The following CCSER1 variants were observed in gnomAD, a reference collection of about 807,000 sequenced individuals.
The protein encoded by CCSER1 is serine-rich coiled-coil domain-containing protein 1.
Under a neutral mutation model 82.0 loss-of-function variants are expected in CCSER1, and 41 were observed. That is an observed-to-expected ratio of 0.50 (90% CI 0.39 to 0.65). CCSER1 has a LOEUF of 0.65. CCSER1 is among the 30% of genes least tolerant of loss of function. The probability of loss-of-function intolerance (pLI) is 0.00; values close to 1 mark genes in which losing one functional copy is unlikely to be tolerated. For missense variants in CCSER1, 1,119 were observed against 1,064.2 expected (o/e 1.05, Z -0.72); for synonymous variants, 414 against 383.9 (o/e 1.08, Z -0.92).
chr4:91,536,848 T>G (rs1442286110), intron 10 of CCSER1, among the ~76,000 whole-genome samples: 1 of 152,100 alleles, frequency 6.6e-6, no homozygotes, highest in Non-Finnish European at 1.5e-5. Context: ...TCCTTTTTCA[T>G]CCTGTCTTAA....
At chr4:91,105,566 T>C (rs1032037577) in intron 10 of CCSER1, among the ~76,000 whole-genome samples, 1 of 151,880 alleles carries the variant, frequency 6.6e-6, no homozygotes, top group Non-Finnish European at 1.5e-5. Context: ...TAGCCAGGTG[T>C]GGTGGTGGAT....
chr4:90,289,461 T>C (rs116049317), intron 1 of CCSER1, among the ~76,000 whole-genome samples: 1,668 of 151,976 alleles, frequency 0.011, 15 homozygotes, highest in African/African-American at 0.024. Flanking sequence ...GTACACTTGA[T>C]ATAGAAGAAA....
chr4:90,972,881 C>T (rs1164515649), intron 9 of CCSER1, among the ~76,000 whole-genome samples: 1 of 151,688 alleles, frequency 6.6e-6, no homozygotes, highest in Non-Finnish European at 1.5e-5. Context: ...TGATCTTTGA[C>T]AAAAGTCCCA....
intron 10 of CCSER1, among the ~76,000 whole-genome samples, chr4:91,350,610 T>G (rs1748407204): frequency 6.6e-6 from 1 of 152,148 alleles, no homozygotes; most frequent in South Asian, 2.1e-4. Context: ...TATTGTCACA[T>G]TAACTACATG....
intron 1 of CCSER1, among the ~76,000 whole-genome samples, chr4:90,236,132 T>C (rs1745747539): frequency 1.3e-5 from 2 of 152,090 alleles, no homozygotes; most frequent in Admixed American, 1.3e-4. Flanking sequence ...TGTAGAGATG[T>C]TGCTCACGCT....
chr4:90,297,688 G>C (rs1560972299), intron 1 of CCSER1, among the ~76,000 whole-genome samples: 1 of 151,710 alleles, frequency 6.6e-6, no homozygotes. Flanking sequence ...AATTTATTGA[G>C]AGTTTTTAGC....
chr4:91,173,480 G>A (rs945268848), intron 10 of CCSER1, among the ~76,000 whole-genome samples: 23 of 151,950 alleles, frequency 1.5e-4, no homozygotes, highest in African/African-American at 4.6e-4. Context: ...TATAGCCCCA[G>A]CTACTCAGGA....
intron 10 of CCSER1, among the ~76,000 whole-genome samples, chr4:91,177,472 T>A (rs1278197824): frequency 6.6e-6 from 1 of 152,368 alleles, no homozygotes; most frequent in Admixed American, 6.5e-5. Context: ...GTTGGTAGGC[T>A]ACCAATTGTT....
chr4:90,311,152 A>G (rs1038949099), intron 2 of CCSER1, among the ~76,000 whole-genome samples: 3 of 152,132 alleles, frequency 2.0e-5, no homozygotes, highest in Non-Finnish European at 4.4e-5. Flanking sequence ...ATAATAAGTT[A>G]AATAACTTTA....
chr4:91,080,201 A>G (rs1433844382), intron 9 of CCSER1, among the ~76,000 whole-genome samples: 1 of 152,214 alleles, frequency 6.6e-6, no homozygotes, highest in Non-Finnish European at 1.5e-5. Context: ...GAAGAACAGA[A>G]ATTGTAACAA....
At chr4:90,996,587 T>C (rs1345706951) in intron 9 of CCSER1, among the ~76,000 whole-genome samples, 2 of 152,134 alleles carry the variant, frequency 1.3e-5, no homozygotes, top group Non-Finnish European at 2.9e-5. Context: ...GGACTAAAAC[T>C]TTAAATCATT....
At chr4:91,287,373 C>T (rs1245936978) in intron 10 of CCSER1, among the ~76,000 whole-genome samples, 1 of 151,776 alleles carries the variant, frequency 6.6e-6, no homozygotes, top group East Asian at 1.9e-4. Flanking sequence ...TGTCATTTCC[C>T]TTTTTTCTGT....
chr4:91,225,404 A>G (rs1265507897), intron 10 of CCSER1, among the ~76,000 whole-genome samples: 1 of 143,094 alleles, frequency 7.0e-6, no homozygotes, highest in Non-Finnish European at 1.5e-5. Context: ...ATTCATATAT[A>G]TTATATATAT....
chr4:91,593,070 C>T (rs550194896), intron 10 of CCSER1, among the ~76,000 whole-genome samples: 2 of 152,238 alleles, frequency 1.3e-5, no homozygotes, highest in Admixed American at 6.5e-5. Context: ...TAAATTCTAT[C>T]ATCACATCAT....
chr4:91,441,150 A>G (rs1315602389), intron 10 of CCSER1, among the ~76,000 whole-genome samples: 24 of 152,268 alleles, frequency 1.6e-4, no homozygotes, highest in South Asian at 6.2e-4. Context: ...TACCAAAGCC[A>G]GGCAGAGACA....
intron 8 of CCSER1, among the ~76,000 whole-genome samples, chr4:90,855,438 A>G (rs1180192100): frequency 1.3e-5 from 2 of 152,170 alleles, no homozygotes; most frequent in Admixed American, 6.5e-5. Flanking sequence ...TATTAAATAA[A>G]TATTTTGTTT....
chr4:91,325,068 T>C (rs1746459430), intron 10 of CCSER1: 1 of 424,066 alleles, frequency 2.4e-6, no homozygotes, highest in Non-Finnish European at 4.7e-6. Context: ...GCAAGGGGCT[T>C]GGGGCCCTAA....
intron 9 of CCSER1, among the ~76,000 whole-genome samples, chr4:90,983,533 G>C (rs17199344): frequency 0.27 from 41,392 of 151,510 alleles, 6,855 homozygotes; most frequent in East Asian, 0.39. Context: ...AAATACCTGA[G>C]AGTCCTGTTT....
intron 10 of CCSER1, among the ~76,000 whole-genome samples, chr4:91,520,636 G>C (rs1760408811): frequency 6.6e-6 from 1 of 152,042 alleles, no homozygotes; most frequent in East Asian, 1.9e-4. Context: ...TCTTCATATG[G>C]ATTCAAGTTA....
Sources: gnomAD v4.1 joint callset for allele counts (sites outside exome capture counted in the v4.1 genomes callset) on GRCh38, gnomAD v4.1.1 for gene constraint, MANE v1.5 for transcripts, NCBI Gene and HGNC (gene_info 2026-07-23, HGNC 2026-07-21) for gene names.